The following LYPD6 variants were observed in gnomAD, a reference collection of about 807,000 sequenced individuals.
LYPD6 encodes ly6/PLAUR domain-containing protein 6.
A neutral mutation model predicts 22.7 loss-of-function variants in LYPD6; 15 were observed. The observed-to-expected ratio is 0.66, with a 90% CI of 0.44 to 1.02. LYPD6 has a LOEUF of 1.02. Ranked by LOEUF, LYPD6 falls within the 50% of genes least tolerant of loss-of-function variation. LYPD6 has a pLI of 0.00. For synonymous variants in LYPD6, 72 were observed against 77.5 expected, an observed-to-expected ratio of 0.93 and a Z score of 0.37; for missense variants, 189 against 208.4, an observed-to-expected ratio of 0.91 and a Z score of 0.57.
chr2:149,434,211 AT>A (rs1683382915), intron 1 of LYPD6, among the ~76,000 whole-genome samples: 1 of 152,186 alleles, frequency 6.6e-6, no homozygotes, highest in African/African-American at 2.4e-5. Context: ...TAAACACACT[AT>A]TAAAGGCAAC....
At chr2:149,412,785 A>G (rs1412160157) in intron 1 of LYPD6, among the ~76,000 whole-genome samples, 1 of 152,204 alleles carries the variant, frequency 6.6e-6, no homozygotes. Context: ...ATATCATATT[A>G]GGATCCAAAC....
At chr2:149,483,624 A>T in the LYPD6 span, among the ~76,000 whole-genome samples, 7 of 152,210 alleles carry the variant, frequency 4.6e-5, no homozygotes, top group Non-Finnish European at 1.0e-4. Context: ...GTTAAAAAAA[A>T]TAGATTTTAA....
intron 2 of LYPD6, 46 bp downstream of exon 2, chr2:149,437,872 A>G: frequency 6.2e-7 from 1 of 1,604,398 alleles, no homozygotes; most frequent in Admixed American, 1.7e-5. Flanking sequence ...TATTTCAAAT[A>G]AGAAGTGGTT....
At chr2:149,467,781 C>T (rs375108699) in intron 3 of LYPD6, among the ~76,000 whole-genome samples, 4 of 152,116 alleles carry the variant, frequency 2.6e-5, no homozygotes, top group African/African-American at 9.7e-5. Flanking sequence ...TCCTAAATCC[C>T]AGACTTAGAG....
chr2:149,417,927 CA>C (rs1190203580), intron 1 of LYPD6, among the ~76,000 whole-genome samples: 1 of 152,088 alleles, frequency 6.6e-6, no homozygotes, highest in Non-Finnish European at 1.5e-5. Context: ...TGAATTTTCC[CA>C]ACTAAATCAA....
At chr2:149,468,514 A>T in intron 3 of LYPD6, 131 bp from the exon 4 acceptor site, 1 of 1,022,580 alleles carries the variant, frequency 9.8e-7, no homozygotes, top group Non-Finnish European at 1.4e-6. Flanking sequence ...TTGGACATAA[A>T]CTCAAAGCAG....
the LYPD6 span, among the ~76,000 whole-genome samples, chr2:149,483,835 T>A: frequency 6.6e-6 from 1 of 152,206 alleles, no homozygotes; most frequent in African/African-American, 2.4e-5. Flanking sequence ...CTATTGAACC[T>A]AATGGCACAT....
chr2:149,334,630 G>A lies in LYPD6; in HGVS notation c.-72+3908G>A, dbSNP rs570671116. Among the ~76,000 whole-genome samples, 28 of 152,236 alleles carry A rather than the reference G, an allele frequency of 1.8e-4. No individual in the cohort carries two copies. In the South Asian group the frequency reaches 5.6e-3, roughly 30 times the overall value. On this transcript the variant is annotated intron_variant, in intron 1 of 4. Coordinates refer to ENST00000334166, the MANE Select transcript of LYPD6 (RefSeq NM_194317.5). ...GGGTATTGCTGGGGGATTGACTGGT[G>A]TCCTTGGGGGCTCCAGTCAGGGGAG...
chr2:149,360,444 A>G (rs958817456), intron 1 of LYPD6, among the ~76,000 whole-genome samples: 1 of 152,220 alleles, frequency 6.6e-6, no homozygotes, highest in African/African-American at 2.4e-5. Context: ...CAGTGGCATC[A>G]ACATCTACCA....
At chr2:149,339,564 A>G (rs1038385688) in intron 1 of LYPD6, among the ~76,000 whole-genome samples, 1 of 152,324 alleles carries the variant, frequency 6.6e-6, no homozygotes. Flanking sequence ...TTGCTACAAT[A>G]AAACAGCTAG....
At chr2:149,438,884 A>G (rs942299281) in intron 2 of LYPD6, among the ~76,000 whole-genome samples, 1 of 152,224 alleles carries the variant, frequency 6.6e-6, no homozygotes. Flanking sequence ...GACTTAAAAT[A>G]AATTCCCTAT....
At position 149,473,584 on chromosome 2, in the gene LYPD6, T is replaced by G. The variant is rs1446280939; in HGVS notation, c.*2734T>G. Reference sequence around the variant, plus strand: ...GATTAATGCCTAAACTTTGTAAATATTGTACAGTTTGTAAATCAATGAATA... The same window carrying G: ...GATTAATGCCTAAACTTTGTAAATAGTGTACAGTTTGTAAATCAATGAATA... On this transcript the variant is annotated 3_prime_UTR_variant, in exon 5 of 5. Coordinates refer to ENST00000334166, the MANE Select transcript of LYPD6 (RefSeq NM_194317.5). 6.6e-6 allele frequency: 1 copy of G among 152,320 alleles called. No homozygotes were observed. Among genetic ancestry groups the G allele is most frequent in the African/African-American group, 2.4e-5 (1 of 41,470 alleles). The allele number at this position is 152,320 out of a possible 1,614,324, so 9.4% of individuals were successfully genotyped here. A position where few individuals can be genotyped will look rare whatever the true frequency, so the allele number is the denominator to read the frequency against.
chr2:149,360,622 T>TC lies in LYPD6; in HGVS notation c.-72+29903dup, dbSNP rs200708522. 5.7e-3 allele frequency among the ~76,000 whole-genome samples: 868 copies of TC among 152,080 alleles called. 7 individuals carry two copies. The highest frequency in any genetic ancestry group is 0.02 in the African/African-American group (843 of 41,470). The stretch of plus-strand genomic sequence containing the variant: ...TAGTCTTTACTTGTTTTTTTTTTTT[T>TC]CCCTCTGGACTATTGAAGTAGCTTT... On this transcript the variant is annotated intron_variant, in intron 1 of 4. Transcript: ENST00000334166.
intron 1 of LYPD6, among the ~76,000 whole-genome samples, chr2:149,375,480 A>C (rs185104217): frequency 3.4e-4 from 52 of 152,304 alleles, no homozygotes; most frequent in Non-Finnish European, 7.1e-4. Flanking sequence ...GACGAAAATA[A>C]AGCTCAGCAA....
intron 3 of LYPD6, among the ~76,000 whole-genome samples, chr2:149,456,593 T>G (rs1196642): frequency 0.6 from 90,993 of 152,010 alleles, 28,540 homozygotes; most frequent in East Asian, 0.85. Context: ...TGGGCCCTGA[T>G]CCAGTCTGAC....
At chr2:149,385,533 T>G (rs1342620614) in intron 1 of LYPD6, among the ~76,000 whole-genome samples, 5 of 152,220 alleles carry the variant, frequency 3.3e-5, no homozygotes, top group Non-Finnish European at 7.3e-5. Context: ...GGGACTTAGC[T>G]GGTCTCCTCA....
chr2:149,367,379 A>G (rs529163349), intron 1 of LYPD6, among the ~76,000 whole-genome samples: 2 of 152,298 alleles, frequency 1.3e-5, no homozygotes, highest in East Asian at 1.9e-4. Flanking sequence ...GGCCTTCTCA[A>G]CATTGGAACT....
At chr2:149,390,024 T>C (rs1335374364) in intron 1 of LYPD6, among the ~76,000 whole-genome samples, 1 of 152,232 alleles carries the variant, frequency 6.6e-6, no homozygotes, top group East Asian at 1.9e-4. Flanking sequence ...TGTAAGCACA[T>C]TGAACAGCAT....
Position 149,393,007 on chromosome 2 carries a change from C to CA in LYPD6, c.-71-44630dup, listed in dbSNP as rs202226244. 6.1e-3 allele frequency among the ~76,000 whole-genome samples: 933 copies of CA among 152,318 alleles called. 7 individuals are homozygous for CA. Among genetic ancestry groups the CA allele is most frequent in the African/African-American group, 0.022 (908 of 41,568 alleles). On this transcript the variant is annotated intron_variant, in intron 1 of 4. Coordinates refer to ENST00000334166, the MANE Select transcript of LYPD6 (RefSeq NM_194317.5). ...TGCCACTGTGCTCCAGCCTGGGCGA[C>CA]AGAGCGAGACTCCATCTCACAAAGA...
Sources: allele counts gnomAD v4.1 joint callset (sites outside exome capture counted in the v4.1 genomes callset), GRCh38; gene constraint gnomAD v4.1.1; transcripts MANE v1.5; gene names NCBI Gene and HGNC (gene_info 2026-07-23, HGNC 2026-07-21).